TMEM161B: variants seen among roughly 807,000 people sequenced by gnomAD.
TMEM161B encodes the protein transmembrane protein 161B.
A neutral mutation model predicts 61.8 loss-of-function variants in TMEM161B; 34 were observed. The observed-to-expected ratio is 0.55, with a 90% CI of 0.42 to 0.73. The LOEUF is 0.73. TMEM161B is among the 30% of genes least tolerant of loss of function. The pLI is 0.00. For missense variants in TMEM161B, 456 were observed against 558.5 expected (o/e 0.82, Z 1.85); for synonymous variants, 167 against 192.8 (o/e 0.87, Z 1.11).
intron 2 of TMEM161B, among the ~76,000 whole-genome samples, chr5:88,234,368 T>C (rs561817110): frequency 1.3e-5 from 2 of 152,276 alleles, no homozygotes; most frequent in East Asian, 1.9e-4. Flanking sequence ...GAAAAAGTTG[T>C]CTGAGAAGTA....
At chr5:88,203,750 CATATATATATAT>C (rs35091076) in intron 8 of TMEM161B, among the ~76,000 whole-genome samples, 15 of 93,802 alleles carry the variant, frequency 1.6e-4, no homozygotes, top group East Asian at 2.6e-4. Flanking sequence ...ATTTCCCTAT[CATATATATATAT>C]ATATATATAT....
At chr5:88,257,866 A>T (rs140005690) in intron 1 of TMEM161B, among the ~76,000 whole-genome samples, 334 of 152,204 alleles carry the variant, frequency 2.2e-3, no homozygotes, top group African/African-American at 7.6e-3. Context: ...GTTTGTGGGA[A>T]TTTCTCTTAA....
At chr5:88,224,965 G>GTT (rs1008381182) in intron 4 of TMEM161B, among the ~76,000 whole-genome samples, 12 of 131,084 alleles carry the variant, frequency 9.2e-5, no homozygotes, top group Non-Finnish European at 1.1e-4. Flanking sequence ...ATATGTTTTT[G>GTT]TTTTTTTTTT....
intron 5 of TMEM161B, among the ~76,000 whole-genome samples, chr5:88,214,121 T>G (rs1747379893): frequency 6.6e-6 from 1 of 152,210 alleles, no homozygotes; most frequent in East Asian, 1.9e-4. Context: ...AACTGATTAT[T>G]AAACCAGAAA....
intron 2 of TMEM161B, among the ~76,000 whole-genome samples, chr5:88,239,671 A>T (rs559238797): frequency 5.3e-4 from 81 of 152,138 alleles, no homozygotes; most frequent in Non-Finnish European, 6.0e-4. Context: ...ATTGTTCCAA[A>T]AAAATTTTAA....
At chr5:88,206,151 T>C (rs904727138) in intron 7 of TMEM161B, among the ~76,000 whole-genome samples, 197 bp from the exon 8 acceptor site, 6 of 152,148 alleles carry the variant, frequency 3.9e-5, no homozygotes, top group East Asian at 3.8e-4. Context: ...TCTTTAGTCA[T>C]AGTCACAGCA....
downstream of TMEM161B, among the ~76,000 whole-genome samples, chr5:88,191,713 T>G (rs1050360039): frequency 6.6e-6 from 1 of 151,688 alleles, no homozygotes; most frequent in African/African-American, 2.4e-5. Context: ...ATCCCAGCAC[T>G]TTGGGAGGCC....
At chr5:88,187,983 T>C (rs1016407942), downstream of TMEM161B, among the ~76,000 whole-genome samples, 1 of 152,206 alleles carries the variant, frequency 6.6e-6, no homozygotes, top group Non-Finnish European at 1.5e-5. Context: ...ATTTGCTCTT[T>C]AAACAATGAA....
intron 8 of TMEM161B, 44 bp downstream of exon 8, chr5:88,205,770 A>G: frequency 6.3e-7 from 1 of 1,597,566 alleles, no homozygotes; most frequent in Non-Finnish European, 8.5e-7. Flanking sequence ...TAAGATGGAA[A>G]ACATATATTT....
At position 88,196,452 on chromosome 5, in the gene TMEM161B, G is replaced by A. The variant is rs765067916; in HGVS notation, c.1223C>T (p.Ser408Phe). Reference protein sequence around the residue: ...HSWGIYPESISTLPVDNSLLS... With the variant: ...HSWGIYPESIFTLPVDNSLLS... ...TAGACTATTATCCACTGGTAAGGTAGAGATAGATTCTGGATAAATACCCCA... is the reference window on the plus strand; with the variant it reads ...TAGACTATTATCCACTGGTAAGGTAAAGATAGATTCTGGATAAATACCCCA... The change falls in exon 12 of 12, where the codon TCT becomes TTT. Residue 408 changes from serine (S) to phenylalanine (F), a missense_variant. Ser to Phe is a radical substitution (Grantham distance 155, BLOSUM62 -2). Coordinates refer to ENST00000296595, the MANE Select transcript of TMEM161B (RefSeq NM_153354.5). The A allele has an allele frequency of 6.2e-7, 1 of 1,611,768 alleles. No individual in the cohort carries two copies. Among genetic ancestry groups the A allele is most frequent in the Admixed American group, 1.7e-5 (1 of 59,746 alleles).
At chr5:88,231,543 T>C (rs2112598449) in intron 2 of TMEM161B, among the ~76,000 whole-genome samples, 1 of 152,358 alleles carries the variant, frequency 6.6e-6, no homozygotes, top group African/African-American at 2.4e-5. Flanking sequence ...TTAGTACAGT[T>C]ACTGGCATAG....
intron 9 of TMEM161B, 113 bp from the exon 10 acceptor site, chr5:88,199,263 T>C: frequency 9.8e-7 from 1 of 1,016,718 alleles, no homozygotes; most frequent in Non-Finnish European, 1.4e-6. Context: ...TCGCAACAGT[T>C]AGACACATAA....
At chr5:88,233,140 G>C (rs1751295538) in intron 2 of TMEM161B, among the ~76,000 whole-genome samples, 1 of 152,166 alleles carries the variant, frequency 6.6e-6, no homozygotes, top group South Asian at 2.1e-4. Context: ...CTAGGCAGAG[G>C]AGATATAATC....
rs545120440 is a variant in TMEM161B at position 88,249,373 on chromosome 5, T to A, written c.4-8457A>T. ...TCTTCCCAGAAGGAGCCTAGCACAG[T>A]CATTTTTGAGCTTGCAAAGCATTTC... On this transcript the variant is annotated intron_variant, in intron 1 of 11. Transcript: ENST00000296595. Among the ~76,000 whole-genome samples, 184 of 152,268 alleles carry A rather than the reference T, an allele frequency of 1.2e-3. 7 individuals carry two copies. The South Asian group carries it at 0.036, about 30-fold the overall frequency.
intron 1 of TMEM161B, among the ~76,000 whole-genome samples, chr5:88,254,323 CTTA>C (rs893641186): frequency 2.6e-5 from 4 of 152,158 alleles, no homozygotes; most frequent in African/African-American, 7.2e-5. Flanking sequence ...ATTTGAAGAA[CTTA>C]TTATAGATTA....
At chr5:88,198,141 CAT>C (rs1750020601) in intron 10 of TMEM161B, 2 of 155,316 alleles carry the variant, frequency 1.3e-5, no homozygotes, top group African/African-American at 4.8e-5. Context: ...GGCAGAGCCA[CAT>C]ATGAGCATAA....
chr5:88,263,395 G>A (rs962617011), intron 1 of TMEM161B, among the ~76,000 whole-genome samples: 3 of 152,068 alleles, frequency 2.0e-5, no homozygotes, highest in Non-Finnish European at 4.4e-5. Flanking sequence ...ACAGTACCTG[G>A]CATACAGATG....
At chr5:88,231,304 T>A (rs1198480802) in intron 2 of TMEM161B, among the ~76,000 whole-genome samples, 1 of 152,198 alleles carries the variant, frequency 6.6e-6, no homozygotes, top group Non-Finnish European at 1.5e-5. Flanking sequence ...GCAGGTGGCC[T>A]GGGTACTCTG....
chr5:88,235,583 A>C (rs1751718624), intron 2 of TMEM161B, among the ~76,000 whole-genome samples: 1 of 152,180 alleles, frequency 6.6e-6, no homozygotes, highest in Non-Finnish European at 1.5e-5. Flanking sequence ...AGAAGTAAGC[A>C]GTCTGCAACC....
Sources: gnomAD v4.1 joint callset for allele counts (sites outside exome capture counted in the v4.1 genomes callset) on GRCh38, gnomAD v4.1.1 for gene constraint, MANE v1.5 for transcripts, NCBI Gene and HGNC (gene_info 2026-07-23, HGNC 2026-07-21) for gene names.